Variants in NFASC observed in about 807,000 individuals in gnomAD.
NFASC encodes neurofascin homolog.
A neutral mutation model predicts 147.5 loss-of-function variants in NFASC; 43 were observed. The ratio of observed to expected loss-of-function variants is 0.29; its 90% CI spans 0.23 to 0.38. The LOEUF (loss-of-function observed/expected upper bound fraction) is 0.38. NFASC is among the 10% of genes least tolerant of loss of function. The probability of loss-of-function intolerance (pLI) is 1.00; values close to 1 mark genes in which losing one functional copy is unlikely to be tolerated. For missense variants in NFASC, 1,320 were observed against 1,689.0 expected, an observed-to-expected ratio of 0.78 and a Z score of 3.83; for synonymous variants, 622 against 665.5, an observed-to-expected ratio of 0.93 and a Z score of 1.01.
In NFASC at chr1:205,015,830, G is replaced by A. The variant is rs558332219; in HGVS notation, c.3492-478G>A. On this transcript the variant is annotated intron_variant, in intron 29 of 29. Coordinates refer to ENST00000339876, the MANE Select transcript of NFASC (RefSeq NM_001005388.3). The surrounding 1 kb of genome is among the most constrained non-coding windows in gnomAD (Gnocchi z 4.0). ...TAAAAGCCTTGCTTGTTGTCAAGGC[G>A]AGAGTGTTTCCCTACAGAGTCACAG... is the stretch of plus-strand genomic sequence containing the variant. Among the ~76,000 whole-genome samples the A allele has an allele frequency of 2.6e-5, 4 of 152,194 alleles. No homozygotes were observed. Among genetic ancestry groups the A allele is most frequent in the African/African-American group, 4.8e-5 (2 of 41,534 alleles).
intron 1 of NFASC, among the ~76,000 whole-genome samples, chr1:204,831,859 C>T (rs551911196): frequency 1.1e-3 from 167 of 152,224 alleles, no homozygotes; most frequent in African/African-American, 3.8e-3. Flanking sequence ...CCAATCTCTC[C>T]GAGCTCCTGG....
At chr1:204,844,801 CTG>C (rs1015538403) in intron 1 of NFASC, among the ~76,000 whole-genome samples, 8 of 152,118 alleles carry the variant, frequency 5.3e-5, no homozygotes, top group Admixed American at 1.3e-4. Context: ...CTCCTACAGA[CTG>C]AGAGTTTTTA....
rs377674472 is a variant in NFASC, at chr1:204,974,302, G to A, written c.1391+12G>A. ...CCCACACTGCGATGGTAAGTTCCAG[G>A]AGATCAGGCCTTCCACAGCAGGGGT... On this transcript the variant is annotated intron_variant, in intron 13 of 29. Transcript: ENST00000339876. The A allele has an allele frequency of 1.3e-3, 2,131 of 1,600,466 alleles. 8 individuals carry two copies. Among genetic ancestry groups the A allele is most frequent in the Non-Finnish European group, 1.7e-3 (2,021 of 1,168,108 alleles).
chr1:204,828,769 C>T lies in NFASC; in HGVS notation c.-213C>T. On this transcript the variant is annotated 5_prime_UTR_variant, in exon 1 of 30. Coordinates refer to ENST00000339876, the MANE Select transcript of NFASC (RefSeq NM_001005388.3). ...CTCGGACAGCGCCCAGGGCCGGAGC[C>T]CGAGCCCTTGGAGGTAGGCGAGCGC... 1.0e-6 allele frequency: 1 copy of T among 985,432 alleles called. No individual in the cohort carries two copies. Among genetic ancestry groups the T allele is most frequent in the Non-Finnish European group, 1.2e-6 (1 of 830,002 alleles). 61.0% of individuals were successfully genotyped at this position (985,432 alleles called of 1,614,324 possible).
In NFASC at chr1:205,016,826, G is replaced by A. The variant is rs1206625781; in HGVS notation, c.*287G>A. ...GCCCGGTCTCGCAGCCACCCCGAGC[G>A]TTCCACCACACTGTCCGCCCTTGGC... On this transcript the variant is annotated 3_prime_UTR_variant, in exon 30 of 30. Transcript: ENST00000339876. This position sits in a 1 kb window ranked among gnomAD's most constrained non-coding sequence, Gnocchi z 5.1. 7 of 501,804 alleles carry A rather than the reference G, an allele frequency of 1.4e-5. No homozygotes were observed. Among genetic ancestry groups the A allele is most frequent in the African/African-American group, 1.9e-5 (1 of 51,728 alleles). 31.1% of individuals were successfully genotyped at this position (501,804 alleles called of 1,614,324 possible).
intron 1 of NFASC, among the ~76,000 whole-genome samples, chr1:204,897,495 C>T (rs972810873): frequency 1.3e-5 from 2 of 152,100 alleles, no homozygotes; most frequent in African/African-American, 4.8e-5. Flanking sequence ...TGCCCAAGGT[C>T]ACACAGCTAA....
intron 1 of NFASC, among the ~76,000 whole-genome samples, chr1:204,902,586 T>C (rs1267689346): frequency 6.6e-6 from 1 of 152,176 alleles, no homozygotes; most frequent in African/African-American, 2.4e-5. Context: ...ATGACATGGA[T>C]TTACTTCAAA....
At chr1:204,996,582 G>A (rs1279495434) in intron 24 of NFASC, among the ~76,000 whole-genome samples, 3 of 152,222 alleles carry the variant, frequency 2.0e-5, no homozygotes, top group Non-Finnish European at 2.9e-5. Flanking sequence ...CAGGCAGAAC[G>A]CCGTGCAAGG....
chr1:204,936,948 G>A (rs1258187414), intron 2 of NFASC, among the ~76,000 whole-genome samples: 2 of 152,182 alleles, frequency 1.3e-5, no homozygotes, highest in Non-Finnish European at 2.9e-5. Context: ...TCAGTTTCTT[G>A]CATGGGGCAA....
chr1:204,874,599 TG>T (rs1458021783), intron 1 of NFASC, among the ~76,000 whole-genome samples: 4 of 152,188 alleles, frequency 2.6e-5, no homozygotes, highest in Non-Finnish European at 4.4e-5. Context: ...CCTCGGGCCC[TG>T]GGTCCTGATG....
intron 7 of NFASC, among the ~76,000 whole-genome samples, chr1:204,955,475 T>A (rs987355261): frequency 9.9e-5 from 15 of 152,114 alleles, no homozygotes; most frequent in Non-Finnish European, 1.9e-4. Context: ...GCTCTTCTGG[T>A]AGGAGGAAGG....
At chr1:204,939,704 A>G (rs1256750093) in intron 2 of NFASC, among the ~76,000 whole-genome samples, 1 of 152,278 alleles carries the variant, frequency 6.6e-6, no homozygotes, top group African/African-American at 2.4e-5. Flanking sequence ...ACTGGGCCCT[A>G]GGGCAAGACT....
At position 204,951,274 on chromosome 1, in the gene NFASC, G is replaced by C. The variant is rs558656940; in HGVS notation, c.109+700G>C. Among the ~76,000 whole-genome samples the C allele has an allele frequency of 6.1e-4, 91 of 149,612 alleles. No individual in the cohort carries two copies. In the Middle Eastern group the frequency reaches 0.01, roughly 17 times the overall value. ...AGTGATTCTCCTGCCTCAGCCTCCC[G>C]AGTAGCTGGGGTTATAGGTGCTCAC... On this transcript the variant is annotated intron_variant, in intron 4 of 29. Transcript: ENST00000339876.
chr1:205,014,285 C>G (rs1398454252), intron 29 of NFASC, among the ~76,000 whole-genome samples: 1 of 152,168 alleles, frequency 6.6e-6, no homozygotes, highest in East Asian at 1.9e-4. Context: ...GGGCCTGCAC[C>G]CCTACACGCA....
At chr1:205,002,515 T>G (rs1358424250) in intron 26 of NFASC, 81 bp from the exon 27 acceptor site, 2 of 1,202,602 alleles carry the variant, frequency 1.7e-6, no homozygotes, top group Non-Finnish European at 1.1e-6. Context: ...TTTCTACCTT[T>G]GACAGGTGAC....
intron 1 of NFASC, among the ~76,000 whole-genome samples, chr1:204,867,875 G>A (rs1443445323): frequency 1.3e-5 from 2 of 152,170 alleles, no homozygotes; most frequent in Non-Finnish European, 2.9e-5. Flanking sequence ...CCTCCTCCAA[G>A]GCTCTCTTCT....
intron 1 of NFASC, among the ~76,000 whole-genome samples, chr1:204,898,288 C>A (rs902441521): frequency 1.6e-4 from 24 of 152,218 alleles, no homozygotes; most frequent in Admixed American, 9.2e-4. Flanking sequence ...TTTGAAGAAC[C>A]TTATAATAAT....
At chr1:204,959,665 C>T (rs2150094738) in intron 8 of NFASC, among the ~76,000 whole-genome samples, 1 of 152,348 alleles carries the variant, frequency 6.6e-6, no homozygotes, top group Non-Finnish European at 1.5e-5. Flanking sequence ...CGGCCTGCTG[C>T]TTTTGGAACT....
intron 1 of NFASC, among the ~76,000 whole-genome samples, chr1:204,892,904 T>A (rs2082670936): frequency 6.6e-6 from 1 of 152,218 alleles, no homozygotes; most frequent in Non-Finnish European, 1.5e-5. Context: ...ATTCTAAGGT[T>A]CTAAGGAAGT....
Sources: allele counts gnomAD v4.1 joint callset (sites outside exome capture counted in the v4.1 genomes callset), GRCh38; gene constraint gnomAD v4.1.1; non-coding constraint Gnocchi (gnomAD v3.1); transcripts MANE v1.5; gene names NCBI Gene and HGNC (gene_info 2026-07-23, HGNC 2026-07-21).